PCDHGA1: variants seen among roughly 807,000 people sequenced by gnomAD.
The protein encoded by PCDHGA1 is protocadherin gamma subfamily A, 1.
A neutral mutation model predicts 58.0 loss-of-function variants in PCDHGA1; 32 were observed. The observed-to-expected ratio is 0.55, with a 90% CI of 0.42 to 0.74. The LOEUF (loss-of-function observed/expected upper bound fraction) is 0.74, where lower values mean the gene tolerates loss of function less well. Ranked by LOEUF, PCDHGA1 falls within the 30% of genes least tolerant of loss-of-function variation. PCDHGA1 has a pLI of 0.00. For missense variants in PCDHGA1, 1,205 were observed against 1,182.3 expected (o/e 1.02, Z -0.28); for synonymous variants, 498 against 501.1 (o/e 0.99, Z 0.08).
chr5:141,449,154 A>G (rs2098630387), intron 1 of PCDHGA1, among the ~76,000 whole-genome samples: 1 of 152,180 alleles, frequency 6.6e-6, no homozygotes, highest in African/African-American at 2.4e-5. Flanking sequence ...TGGGTCAAAG[A>G]GGAAATAGGT....
At chr5:141,392,505 T>G (rs1271878225) in intron 1 of PCDHGA1, 1 of 227,850 alleles carries the variant, frequency 4.4e-6, no homozygotes, top group African/African-American at 2.3e-5. Flanking sequence ...ATGATTTTTT[T>G]TTCTCAGTAA....
At chr5:141,422,032 G>A in intron 1 of PCDHGA1, 1 of 1,611,280 alleles carries the variant, frequency 6.2e-7, no homozygotes, top group Non-Finnish European at 8.5e-7. Context: ...TAATGCAACG[G>A]ATCCAGACGA....
rs1379875429 is a variant in PCDHGA1 at position 141,491,125 on chromosome 5, C to T, written c.2422-3682C>T. 3.1e-6 allele frequency: 5 copies of T among 1,614,020 alleles called. No homozygotes were observed. The highest frequency in any genetic ancestry group is 4.2e-6 in the Non-Finnish European group (5 of 1,179,992). ...CGTGTCTACACACACTGGTGAGGTG[C>T]GCACAGCCCGGGCCTTACTGGAGGA... On this transcript the variant is annotated intron_variant, in intron 1 of 3. Coordinates refer to ENST00000517417, the MANE Select transcript of PCDHGA1 (RefSeq NM_018912.3). The surrounding 1 kb of genome is among the most constrained non-coding windows in gnomAD (Gnocchi z 6.9).
chr5:141,492,461 G>T (rs1218833302), intron 1 of PCDHGA1, among the ~76,000 whole-genome samples: 1 of 152,212 alleles, frequency 6.6e-6, no homozygotes, highest in Non-Finnish European at 1.5e-5. Flanking sequence ...CGCGCCTGAG[G>T]GTCCCAGATC....
At position 141,357,474 on chromosome 5, in the gene PCDHGA1, C is replaced by T. The variant is rs530149154; in HGVS notation, c.2421+24369C>T. On this transcript the variant is annotated intron_variant, in intron 1 of 3. Transcript: ENST00000517417. The stretch of plus-strand genomic sequence containing the variant: ...TGCAGACCTATTCCCACGAGGTCTC[C>T]CTCACCGCGGACTCGCGGAAGAGTC... The T allele has an allele frequency of 2.5e-6, 4 of 1,614,220 alleles. No homozygotes were observed. In the South Asian group the frequency reaches 3.3e-5, roughly 13 times the overall value.
At chr5:141,419,182 C>T in intron 1 of PCDHGA1, 2 of 1,613,986 alleles carry the variant, frequency 1.2e-6, no homozygotes, top group Non-Finnish European at 1.7e-6. Context: ...TAACCCTGCA[C>T]ATTACTGACG....
intron 1 of PCDHGA1, chr5:141,399,710 T>C: frequency 6.2e-7 from 1 of 1,613,346 alleles, no homozygotes; most frequent in South Asian, 1.1e-5. Flanking sequence ...GAACTCACAC[T>C]ACAGGCCCGC....
chr5:141,357,387 C>A, intron 1 of PCDHGA1: 1 of 1,614,218 alleles, frequency 6.2e-7, no homozygotes, highest in Non-Finnish European at 8.5e-7. Flanking sequence ...ACGCTGAAGG[C>A]AGCAGGTTGG....
chr5:141,431,066 CAATT>C lies in PCDHGA1; in HGVS notation c.2422-63738_2422-63735del, dbSNP rs762972663. ...GCTCTGTATGGGGGCCATCAAGTGT[CAATT>C]AAATCTAGACATTCTGATGGAGGAT... On this transcript the variant is annotated intron_variant, in intron 1 of 3. Transcript: ENST00000517417. This position sits in a 1 kb window ranked among gnomAD's most constrained non-coding sequence, Gnocchi z 4.8. 9 of 1,614,042 alleles carry C rather than the reference CAATT, an allele frequency of 5.6e-6. No individual in the cohort carries two copies. The East Asian group carries it at 2.0e-4, about 36-fold the overall frequency.
At chr5:141,346,189 G>A in intron 1 of PCDHGA1, 1 of 1,614,102 alleles carries the variant, frequency 6.2e-7, no homozygotes, top group Non-Finnish European at 8.5e-7. Flanking sequence ...CTGCGGCGCT[G>A]GCACAAGTCA....
chr5:141,332,314 A>C lies in PCDHGA1; in HGVS notation c.1630A>C (p.Ser544Arg). ...ARDSGDPPLSSNVSLSLFLLD... is the reference protein window; with the variant it reads ...ARDSGDPPLSRNVSLSLFLLD... ...GGACAGTGGGGATCCGCCCCTCAGC[A>C]GCAACGTGTCTCTCAGCCTATTCCT... is the stretch of plus-strand genomic sequence containing the variant. The change falls in exon 1 of 4, where the codon AGC (serine) becomes CGC (arginine). Residue 544 changes from serine to arginine, a missense_variant. Physicochemically the swap from Ser to Arg is moderately radical, Grantham distance 110. Transcript: ENST00000517417. The surrounding 1 kb of genome is among the most constrained non-coding windows in gnomAD (Gnocchi z 4.6). 6.2e-7 allele frequency: 1 copy of C among 1,614,204 alleles called. No individual in the cohort carries two copies. The highest frequency in any genetic ancestry group is 8.5e-7 in the Non-Finnish European group (1 of 1,180,026).
At chr5:141,370,456 T>A (rs889377616) in intron 1 of PCDHGA1, 17 of 1,611,826 alleles carry the variant, frequency 1.1e-5, no homozygotes, top group Non-Finnish European at 1.3e-5. Flanking sequence ...TTTCTCTTCC[T>A]GCTCTCTTTG....
chr5:141,383,790 T>C, intron 1 of PCDHGA1: 1 of 1,614,006 alleles, frequency 6.2e-7, no homozygotes. Context: ...TGAACTCGCT[T>C]ACAGGAGAAA....
At chr5:141,408,600 T>C (rs761951478) in intron 1 of PCDHGA1, 7 of 1,613,998 alleles carry the variant, frequency 4.3e-6, no homozygotes, top group Non-Finnish European at 4.2e-6. Flanking sequence ...GCCCCTCAAT[T>C]TGATAAAAAG....
At chr5:141,365,297 G>A (rs538677777) in intron 1 of PCDHGA1, 3 of 1,614,014 alleles carry the variant, frequency 1.9e-6, no homozygotes, top group East Asian at 4.5e-5. Context: ...GGTAGCTCAG[G>A]ATGGAGGCGC....
In PCDHGA1 at chr5:141,432,872, C is replaced by G; in HGVS notation, c.2422-61935C>G. 4 of 1,614,192 alleles carry G rather than the reference C, an allele frequency of 2.5e-6. No individual in the cohort carries two copies. The highest frequency in any genetic ancestry group is 3.4e-6 in the Non-Finnish European group (4 of 1,180,018). ...GGTGGCCGCGGTCTCCTGCGTCTTCCTGGCCTTCGTCATCTTGCTGCTGGC... is the reference window on the plus strand; with the variant it reads ...GGTGGCCGCGGTCTCCTGCGTCTTCGTGGCCTTCGTCATCTTGCTGCTGGC... On this transcript the variant is annotated intron_variant, in intron 1 of 3. Coordinates refer to ENST00000517417, the MANE Select transcript of PCDHGA1 (RefSeq NM_018912.3). The surrounding 1 kb of genome is among the most constrained non-coding windows in gnomAD (Gnocchi z 6.0).
chr5:141,468,680 C>T (rs1176643092), intron 1 of PCDHGA1: 1 of 151,074 alleles, frequency 6.6e-6, no homozygotes, highest in Non-Finnish European at 1.5e-5. Flanking sequence ...TCCTGGCTAA[C>T]ACGGTGAAAC....
chr5:141,489,206 C>A lies in PCDHGA1; in HGVS notation c.2422-5601C>A. On this transcript the variant is annotated intron_variant, in intron 1 of 3. Transcript: ENST00000517417. This position sits in a 1 kb window ranked among gnomAD's most constrained non-coding sequence, Gnocchi z 4.5. ...TGGGTCTACCTTGGAGACAGGACAG[C>A]ACAGACTTACTCTCCACAAAGGGAC... 2 of 1,439,024 alleles carry A rather than the reference C, an allele frequency of 1.4e-6. No individual in the cohort carries two copies. Among genetic ancestry groups the A allele is most frequent in the Non-Finnish European group, 1.9e-6 (2 of 1,060,928 alleles). 89.1% of individuals were successfully genotyped at this position (1,439,024 alleles called of 1,614,324 possible). A position where few individuals can be genotyped will look rare whatever the true frequency, so the allele number is the denominator to read the frequency against.
intron 1 of PCDHGA1, chr5:141,341,426 G>C (rs1231683961): frequency 6.2e-7 from 1 of 1,612,308 alleles, no homozygotes; most frequent in East Asian, 2.2e-5. Context: ...ATACGTACTA[G>C]CTAGTTTGCT....
Sources: gnomAD v4.1 joint callset for allele counts (sites outside exome capture counted in the v4.1 genomes callset) on GRCh38, gnomAD v4.1.1 for gene constraint, Gnocchi (gnomAD v3.1) non-coding constraint, MANE v1.5 for transcripts, NCBI Gene and HGNC (gene_info 2026-07-23, HGNC 2026-07-21) for gene names.